Variants in CROCC2 observed in about 807,000 individuals in gnomAD.
CROCC2 encodes ciliary rootlet coiled-coil, rootletin family member 2.
Under a neutral mutation model 177.6 loss-of-function variants are expected in CROCC2, and 163 were observed. The ratio of observed to expected loss-of-function variants is 0.92; its 90% CI spans 0.81 to 1.05. The LOEUF (loss-of-function observed/expected upper bound fraction) is 1.05. Ranked by LOEUF, CROCC2 falls within the 50% of genes least tolerant of loss-of-function variation. The probability of loss-of-function intolerance (pLI) is 0.00; values close to 1 mark genes in which losing one functional copy is unlikely to be tolerated. For missense variants in CROCC2, 1,929 were observed against 1,797.8 expected, an observed-to-expected ratio of 1.07 and a Z score of -1.32; for synonymous variants, 904 against 787.3, an observed-to-expected ratio of 1.15 and a Z score of -2.48.
chr2:240,953,109 G>A lies in CROCC2; in HGVS notation c.2829+2599G>A, dbSNP rs1415343388. Among the ~76,000 whole-genome samples the A allele has an allele frequency of 6.6e-6, 1 of 152,062 alleles. No individual in the cohort carries two copies. Among genetic ancestry groups the A allele is most frequent in the African/African-American group, 2.4e-5 (1 of 41,406 alleles). ...TGGCACACACAGCCCCCAAGAGAGG[G>A]GACCTCGGTCAAACAGGAGTGCAGG... On this transcript the variant is annotated intron_variant, in intron 18 of 31. Coordinates refer to ENST00000690015, the MANE Select transcript of CROCC2 (RefSeq NM_001351305.2). The surrounding 1 kb of genome is among the most constrained non-coding windows in gnomAD (Gnocchi z 4.0).
chr2:240,965,744 C>A lies in CROCC2; in HGVS notation c.3712C>A (p.Arg1238=). 6.5e-7 allele frequency: 1 copy of A among 1,537,820 alleles called. No individual in the cohort carries two copies. Among genetic ancestry groups the A allele is most frequent in the African/African-American group, 1.4e-5 (1 of 72,964 alleles). The stretch of plus-strand genomic sequence containing the variant: ...GAGCCGGGGGGCTGAGCAGACCCTC[C>A]GAGCAGAGCTGCACAGTGTCACCAG... ...RESRGAEQTL[R]AELHSVTRKL... is the part of the protein sequence containing the mutation. Residue 1238 remains arginine (R), a synonymous_variant, in exon 24 of 32, where the codon CGA becomes AGA. Coordinates refer to ENST00000690015, the MANE Select transcript of CROCC2 (RefSeq NM_001351305.2).
Position 240,958,291 on chromosome 2 carries a change from C to A in CROCC2, c.2944-1010C>A. 2 of 711,388 alleles carry A rather than the reference C, an allele frequency of 2.8e-6. No individual in the cohort carries two copies. Among genetic ancestry groups the A allele is most frequent in the Non-Finnish European group, 3.5e-6 (2 of 579,406 alleles). The allele number at this position is 711,388 out of a possible 1,614,324, so 44.1% of individuals were successfully genotyped here. A position where few individuals can be genotyped will look rare whatever the true frequency, so the allele number is the denominator to read the frequency against. ...GCAGCCAGGCCTCAGGGGCACCCAT[C>A]ACTGGCAGTGTTGGGGCATGCTGAG... is the stretch of plus-strand genomic sequence containing the variant. On this transcript the variant is annotated intron_variant, in intron 19 of 31. Coordinates refer to ENST00000690015, the MANE Select transcript of CROCC2 (RefSeq NM_001351305.2). This position sits in a 1 kb window ranked among gnomAD's most constrained non-coding sequence, Gnocchi z 6.7.
Position 240,965,509 on chromosome 2 carries a change from C to G in CROCC2, c.3594C>G (p.Ala1198=). ...AGGCAGAGGCCAAGCACGAGGGTGC[C>G]CGGAAGGAGGTGGGAGGGCTGCCTG... is the stretch of plus-strand genomic sequence containing the variant. ...AAKAEAKHEG[A]RKEVLGLQRK... Residue 1198 remains alanine (A), a synonymous_variant, in exon 23 of 32, where the codon GCC becomes GCG. Coordinates refer to ENST00000690015, the MANE Select transcript of CROCC2 (RefSeq NM_001351305.2). 2 of 1,550,190 alleles carry G rather than the reference C, an allele frequency of 1.3e-6. No homozygotes were observed. Among genetic ancestry groups the G allele is most frequent in the Non-Finnish European group, 1.7e-6 (2 of 1,146,964 alleles).
At chr2:240,936,446 C>T (rs957455164) in intron 14 of CROCC2, among the ~76,000 whole-genome samples, 5 of 152,292 alleles carry the variant, frequency 3.3e-5, no homozygotes, top group South Asian at 4.1e-4. Flanking sequence ...GCAGTGTGGA[C>T]GCTTTTGTGT....
Position 240,989,762 on chromosome 2 carries a change from CCGCAGGCCA to C in CROCC2, c.4801_4809del (p.Thr1601_Ala1603del), listed in dbSNP as rs1184030008. Reference sequence around the variant, plus strand: ...GGCAGAGCGTCTCCATGGGGCCCGGCCGCAGGCCACGCAGGCCCTGGAGTCCCAAGAATG... The same window carrying C: ...GGCAGAGCGTCTCCATGGGGCCCGGCCGCAGGCCCTGGAGTCCCAAGAATG... On this transcript the variant is annotated inframe_deletion, in exon 30 of 32. Transcript: ENST00000690015. The C allele has an allele frequency of 1.3e-6, 2 of 1,550,254 alleles. No homozygotes were observed. The highest frequency in any genetic ancestry group is 1.7e-4 in the Middle Eastern group (1 of 5,968).
In CROCC2 at chr2:240,935,391, C is replaced by T. The variant is rs1258156447; in HGVS notation, c.1972C>T (p.Arg658Trp). ...EQERDQLREQ[R>W]KTLEQERARA... is the part of the protein sequence containing the mutation. ...GGAGCGGGACCAGCTGCGGGAACAG[C>T]GGAAGACTCTGGAGCAGGAACGGGC... is the stretch of plus-strand genomic sequence containing the variant. Residue 658 changes from arginine to tryptophan, a missense_variant, in exon 14 of 32, where the codon CGG becomes TGG. Arg to Trp is a moderately radical substitution (Grantham distance 101). Transcript: ENST00000690015. The T allele has an allele frequency of 2.1e-5, 29 of 1,366,476 alleles. No homozygotes were observed. In the South Asian group the frequency reaches 2.3e-4, roughly 11 times the overall value. 84.6% of individuals were successfully genotyped at this position (1,366,476 alleles called of 1,614,324 possible).
intron 12 of CROCC2, 33 bp from the exon 13 acceptor site, chr2:240,934,883 G>A: frequency 6.8e-7 from 1 of 1,461,458 alleles, no homozygotes; most frequent in East Asian, 2.7e-5. Context: ...GGAAGCTGAA[G>A]GTCCCTCCCT....
At chr2:240,948,223 G>A (rs1306736337) in intron 15 of CROCC2, among the ~76,000 whole-genome samples, 1 of 152,142 alleles carries the variant, frequency 6.6e-6, no homozygotes, top group Non-Finnish European at 1.5e-5. Flanking sequence ...GGTCTCTGGG[G>A]GTTCTGACCT....
chr2:240,928,116 G>A (rs1201617159), intron 5 of CROCC2, among the ~76,000 whole-genome samples: 1 of 152,180 alleles, frequency 6.6e-6, no homozygotes, highest in Non-Finnish European at 1.5e-5. Context: ...TGCCTTTGGT[G>A]ATTTTTTATT....
chr2:240,988,647 C>A, intron 28 of CROCC2, 92 bp from the exon 29 acceptor site: 1 of 1,253,586 alleles, frequency 8.0e-7, no homozygotes, highest in South Asian at 3.1e-5. Context: ...CAGAGTCCTT[C>A]CCAGAGGCAA....
intron 1 of CROCC2, among the ~76,000 whole-genome samples, chr2:240,913,701 C>T (rs907787520): frequency 2.0e-5 from 3 of 152,388 alleles, no homozygotes; most frequent in East Asian, 1.9e-4. Flanking sequence ...GGGTGATGCC[C>T]AGGCCCAGAG....
At chr2:240,969,277 C>T (rs764864509) in intron 27 of CROCC2, among the ~76,000 whole-genome samples, 39 of 152,184 alleles carry the variant, frequency 2.6e-4, no homozygotes, top group East Asian at 5.8e-4. Flanking sequence ...GGCTCAGCCC[C>T]GGAGCCTGGT....
Position 240,962,521 on chromosome 2 carries a change from C to T in CROCC2, c.3088-1035C>T, listed in dbSNP as rs536290211. On this transcript the variant is annotated intron_variant, in intron 20 of 31. Transcript: ENST00000690015. ...GAGCGGAGGGGAGGCTCTGGCCCTT[C>T]CCAAAAACAGAACAACAATAACAGC... 3.9e-3 allele frequency among the ~76,000 whole-genome samples: 589 copies of T among 152,206 alleles called. 2 individuals are homozygous for T. Among genetic ancestry groups the T allele is most frequent in the Admixed American group, 0.01 (153 of 15,298 alleles).
rs1040358032 is a variant in CROCC2, at chr2:240,958,737, CCT to C, written c.2944-563_2944-562del. The C allele has an allele frequency of 2.2e-4, 65 of 293,052 alleles. No homozygotes were observed. The highest frequency in any genetic ancestry group is 1.4e-3 in the Admixed American group (22 of 15,454). The allele number at this position is 293,052 out of a possible 1,614,324, so 18.2% of individuals were successfully genotyped here. On this transcript the variant is annotated intron_variant, in intron 19 of 31. Coordinates refer to ENST00000690015, the MANE Select transcript of CROCC2 (RefSeq NM_001351305.2). The surrounding 1 kb of genome is among the most constrained non-coding windows in gnomAD (Gnocchi z 6.7). ...AGCCCCATCTGCCCTGCTGCCGCAA[CCT>C]GGGCAGGGGTGCAGTGGGGAGGGCC...
chr2:240,970,159 T>C (rs1361622131), intron 27 of CROCC2, among the ~76,000 whole-genome samples: 2 of 152,268 alleles, frequency 1.3e-5, no homozygotes, highest in African/African-American at 4.8e-5. Flanking sequence ...TTTTTGTCAA[T>C]GTCTCCTTTT....
In CROCC2 at chr2:240,992,768, G is replaced by A. The variant is rs182394116; in HGVS notation, c.4947-298G>A. Among the ~76,000 whole-genome samples the A allele has an allele frequency of 3.7e-4, 56 of 152,362 alleles. No individual in the cohort carries two copies. In the East Asian group the frequency reaches 9.6e-3, roughly 26 times the overall value. ...ACTGCTGGAGAGTGCTCTGCCAGAT[G>A]GTGGGTGGAGGGGGTCACTGAGAGG... On this transcript the variant is annotated intron_variant, in intron 31 of 31. Transcript: ENST00000690015.
Position 240,917,603 on chromosome 2 carries a change from G to T in CROCC2, c.79-1123G>T, listed in dbSNP as rs1000921297. ...GCTGCCCTGCGGACCCCAGGGAGAG[G>T]GGTCCTCTGTGCTGGCGTGGGAGCC... On this transcript the variant is annotated intron_variant, in intron 1 of 31. Transcript: ENST00000690015. The surrounding 1 kb of genome is among the most constrained non-coding windows in gnomAD (Gnocchi z 4.9). Among the ~76,000 whole-genome samples the T allele has an allele frequency of 3.3e-5, 5 of 152,140 alleles. No homozygotes were observed. Among genetic ancestry groups the T allele is most frequent in the Admixed American group, 6.5e-5 (1 of 15,280 alleles).
chr2:240,965,441 C>A lies in CROCC2; in HGVS notation c.3526C>A (p.Gln1176Lys), dbSNP rs1311055253. The change falls in exon 23 of 32, where the codon CAG (glutamine) becomes AAG (lysine). Residue 1176 changes from glutamine (Q) to lysine (K), a missense_variant. Gln to Lys is a moderately conservative substitution (Grantham distance 53). This residue lies in a region of CROCC2 where 144 missense variants were observed against 205.2 expected (regional missense o/e 0.70). Transcript: ENST00000690015. ...TGGAGAGGCCCATGAGCTGCAGGCG[C>A]AGTGCTCGCAGGAGGTGCTGGAGCT... is the stretch of plus-strand genomic sequence containing the variant. ...RSGEAHELQA[Q>K]CSQEVLELRR... The A allele has an allele frequency of 6.5e-7, 1 of 1,549,778 alleles. No homozygotes were observed. The highest frequency in any genetic ancestry group is 2.4e-5 in the East Asian group (1 of 40,928).
Position 240,935,341 on chromosome 2 carries a change from C to A in CROCC2, c.1939-17C>A. On this transcript the variant is annotated splice_polypyrimidine_tract_variant and intron_variant, in intron 13 of 31. Coordinates refer to ENST00000690015, the MANE Select transcript of CROCC2 (RefSeq NM_001351305.2). The stretch of plus-strand genomic sequence containing the variant: ...GATGGGGGGAGTGGATGCAGAGCCC[C>A]CGACACCTGGTGGCAGCTGGAGCAG... The A allele has an allele frequency of 7.4e-7, 1 of 1,357,472 alleles. No homozygotes were observed. The allele number at this position is 1,357,472 out of a possible 1,614,324, so 84.1% of individuals were successfully genotyped here.
Sources: gnomAD v4.1 joint callset for allele counts (sites outside exome capture counted in the v4.1 genomes callset) on GRCh38, gnomAD v4.1.1 for gene constraint, gnomAD v4.1.1 regional missense constraint, Gnocchi (gnomAD v3.1) non-coding constraint, MANE v1.5 for transcripts, NCBI Gene and HGNC (gene_info 2026-07-23, HGNC 2026-07-21) for gene names.